Variants in PRELID2 observed in about 807,000 individuals in gnomAD.
PRELID2 encodes the protein PRELI domain containing 2.
PRELID2 carries 25 observed loss-of-function variants against 28.4 expected under a neutral mutation model. That is an observed-to-expected ratio of 0.88 (90% CI 0.64 to 1.23). The LOEUF is 1.23. Among genes scored for constraint, PRELID2 ranks in the 50% most tolerant of loss-of-function variants. The pLI, the probability that PRELID2 is intolerant of heterozygous loss-of-function variation, is 0.00. For missense variants in PRELID2, 201 were observed against 214.4 expected (o/e 0.94, Z 0.39); for synonymous variants, 76 against 71.6 (o/e 1.06, Z -0.31).
the PRELID2 span, among the ~76,000 whole-genome samples, chr5:145,304,106 T>C: frequency 6.6e-6 from 1 of 152,180 alleles, no homozygotes. Flanking sequence ...ACAGGTCATT[T>C]ATATCGTTTA....
chr5:145,643,140 A>G (rs989423992), intron 1 of PRELID2, among the ~76,000 whole-genome samples: 8 of 152,144 alleles, frequency 5.3e-5, no homozygotes, highest in African/African-American at 1.9e-4. Flanking sequence ...GATTCTTCCT[A>G]TACATGAGCA....
At chr5:145,528,377 C>T (rs534198889) in intron 1 of PRELID2, among the ~76,000 whole-genome samples, 3 of 152,178 alleles carry the variant, frequency 2.0e-5, no homozygotes, top group South Asian at 2.1e-4. Flanking sequence ...TGACTAAATG[C>T]TTAAACGAAT....
At chr5:145,822,528 A>T (rs1754901256) in intron 2 of PRELID2, among the ~76,000 whole-genome samples, 1 of 152,178 alleles carries the variant, frequency 6.6e-6, no homozygotes, top group Admixed American at 6.5e-5. Context: ...GTCAATGCTA[A>T]ACCACACTGC....
At chr5:145,374,843 G>A in the PRELID2 span, among the ~76,000 whole-genome samples, 1 of 152,110 alleles carries the variant, frequency 6.6e-6, no homozygotes, top group Non-Finnish European at 1.5e-5. Flanking sequence ...GGTCATTTAT[G>A]TTCCTACTTA....
chr5:145,388,878 TG>T, the PRELID2 span, among the ~76,000 whole-genome samples: 1 of 152,198 alleles, frequency 6.6e-6, no homozygotes. Context: ...CATATTTCCC[TG>T]TTTTATTTTC....
chr5:145,230,096 A>C, the PRELID2 span: 6 of 630,736 alleles, frequency 9.5e-6, no homozygotes, highest in Middle Eastern at 4.7e-4. Context: ...CAATTTGCAG[A>C]TCCCCCAAGT....
At chr5:145,696,373 T>C (rs1222217971) in intron 1 of PRELID2, among the ~76,000 whole-genome samples, 1 of 152,096 alleles carries the variant, frequency 6.6e-6, no homozygotes, top group Non-Finnish European at 1.5e-5. Context: ...CAAGCACATA[T>C]ACCTCAGAGA....
the PRELID2 span, among the ~76,000 whole-genome samples, chr5:145,424,229 G>T: frequency 6.6e-6 from 1 of 152,110 alleles, no homozygotes. Flanking sequence ...GCCTACAGAG[G>T]CAGGCAGGCC....
the PRELID2 span, among the ~76,000 whole-genome samples, chr5:145,415,065 C>T: frequency 6.6e-6 from 1 of 152,066 alleles, no homozygotes; most frequent in Non-Finnish European, 1.5e-5. Flanking sequence ...CACAGCACTT[C>T]CTCTAAAATT....
At chr5:145,445,653 G>T in the PRELID2 span, among the ~76,000 whole-genome samples, 1 of 151,874 alleles carries the variant, frequency 6.6e-6, no homozygotes, top group African/African-American at 2.4e-5. Flanking sequence ...GGTTATATAA[G>T]GTGCTCAAGC....
chr5:145,296,179 T>A, the PRELID2 span, among the ~76,000 whole-genome samples: 1 of 151,638 alleles, frequency 6.6e-6, no homozygotes, highest in East Asian at 1.9e-4. Flanking sequence ...TTTGGTTTTT[T>A]TATTTATTTT....
the PRELID2 span, among the ~76,000 whole-genome samples, chr5:145,351,307 G>T: frequency 2.0e-5 from 3 of 152,106 alleles, no homozygotes; most frequent in South Asian, 6.2e-4. Flanking sequence ...CCACATGGTT[G>T]GGGAGGCCTC....
At chr5:145,737,939 C>T (rs993427029) in intron 1 of PRELID2, among the ~76,000 whole-genome samples, 2 of 152,136 alleles carry the variant, frequency 1.3e-5, no homozygotes, top group Non-Finnish European at 2.9e-5. Flanking sequence ...TCTTTCCTGC[C>T]GCACTGAGGT....
intron 1 of PRELID2, chr5:145,729,433 G>A (rs1476815598): frequency 8.3e-6 from 3 of 362,250 alleles, no homozygotes; most frequent in East Asian, 5.2e-5. Context: ...ACTTGCCCAG[G>A]TTCCTTCTAA....
the PRELID2 span, among the ~76,000 whole-genome samples, chr5:145,239,073 A>G: frequency 6.6e-6 from 1 of 152,064 alleles, no homozygotes; most frequent in Non-Finnish European, 1.5e-5. Context: ...TTCTGGGACT[A>G]TGTGCACTGT....
the PRELID2 span, among the ~76,000 whole-genome samples, chr5:145,402,388 A>G: frequency 2.4e-4 from 36 of 152,324 alleles, no homozygotes; most frequent in African/African-American, 8.7e-4. Flanking sequence ...TACTTCTGAA[A>G]CTTTAGGATT....
At chr5:145,817,805 A>T in intron 4 of PRELID2, 89 bp downstream of exon 4, 1 of 1,079,870 alleles carries the variant, frequency 9.3e-7, no homozygotes, top group East Asian at 2.9e-5. Context: ...AACAGTGGTC[A>T]TAAGTATAGA....
chr5:145,574,207 C>G (rs1040958475), intron 1 of PRELID2, among the ~76,000 whole-genome samples: 11 of 152,078 alleles, frequency 7.2e-5, no homozygotes, highest in African/African-American at 1.4e-4. Context: ...AGGAAAAGAG[C>G]CATGAATCAA....
chr5:145,741,206 AAT>A (rs1756713163), intron 1 of PRELID2, among the ~76,000 whole-genome samples: 1 of 38,278 alleles, frequency 2.6e-5, no homozygotes, highest in Non-Finnish European at 5.0e-5. Context: ...TACAGATATA[AAT>A]ATATATAAAA....
Sources: gnomAD v4.1 joint callset for allele counts (sites outside exome capture counted in the v4.1 genomes callset) on GRCh38, gnomAD v4.1.1 for gene constraint, MANE v1.5 for transcripts, NCBI Gene and HGNC (gene_info 2026-07-23, HGNC 2026-07-21) for gene names.